The following PRDM9 variants were observed in gnomAD, a reference collection of about 807,000 sequenced individuals.
PRDM9 encodes the protein PR/SET domain 9.
A neutral mutation model predicts 55.6 loss-of-function variants in PRDM9; 47 were observed. That is an observed-to-expected ratio of 0.85 (90% confidence interval 0.67 to 1.08). The LOEUF is 1.08. Ranked by LOEUF, PRDM9 falls within the 50% of genes least tolerant of loss-of-function variation. The probability of loss-of-function intolerance (pLI) is 0.00; values close to 1 mark genes in which losing one functional copy is unlikely to be tolerated. For synonymous variants in PRDM9, 312 were observed against 375.7 expected, an observed-to-expected ratio of 0.83 and a Z score of 1.96; for missense variants, 867 against 1,040.3, an observed-to-expected ratio of 0.83 and a Z score of 2.29.
intron 10 of PRDM9, among the ~76,000 whole-genome samples, 165 bp downstream of exon 10, chr5:23,524,692 T>A (rs1739398574): frequency 1.3e-5 from 2 of 152,218 alleles, no homozygotes; most frequent in Non-Finnish European, 2.9e-5. Flanking sequence ...CTTTGCCTCT[T>A]TGGAACAATT....
chr5:23,512,397 A>T (rs1739116266), intron 4 of PRDM9, among the ~76,000 whole-genome samples: 1 of 152,122 alleles, frequency 6.6e-6, no homozygotes. Flanking sequence ...CAAACTAGAG[A>T]AAGCAACTTG....
At chr5:23,520,945 C>A in intron 5 of PRDM9, 78 bp from the exon 6 acceptor site, 1 of 1,492,288 alleles carries the variant, frequency 6.7e-7, no homozygotes, top group Non-Finnish European at 9.3e-7. Context: ...TAGAGTCATG[C>A]ATATGAAAAC....
At chr5:23,511,499 C>A (rs759208526) in intron 4 of PRDM9, among the ~76,000 whole-genome samples, 4 of 152,104 alleles carry the variant, frequency 2.6e-5, no homozygotes, top group African/African-American at 4.8e-5. Flanking sequence ...GCATGTGCCA[C>A]CACGCCAAGC....
At chr5:23,515,259 C>T (rs1299851444) in intron 4 of PRDM9, among the ~76,000 whole-genome samples, 1 of 152,150 alleles carries the variant, frequency 6.6e-6, no homozygotes, top group African/African-American at 2.4e-5. Flanking sequence ...GCCACAGCGC[C>T]TGGCCTGGAT....
At position 23,526,385 on chromosome 5, in the gene PRDM9, G is replaced by C. The variant is rs1251212545; in HGVS notation, c.1297G>C (p.Gly433Arg). The C allele has an allele frequency of 5.0e-6, 8 of 1,614,066 alleles. No homozygotes were observed. The highest frequency in any genetic ancestry group is 6.8e-6 in the Non-Finnish European group (8 of 1,180,056). Residue 433 changes from glycine (G) to arginine (R), a missense_variant, in exon 11 of 11, where the codon GGG becomes CGG. Gly to Arg is a moderately radical substitution (Grantham distance 125). Coordinates refer to ENST00000296682, the MANE Select transcript of PRDM9 (RefSeq NM_020227.4). Reference protein sequence around the residue: ...KLLQPENPCPGDQNQEQQYPD... With the variant: ...KLLQPENPCPRDQNQEQQYPD... The stretch of plus-strand genomic sequence containing the variant: ...CCTCCAACCAGAGAATCCCTGCCCA[G>C]GGGATCAGAATCAGGAGCAGCAATA...
Position 23,521,190 on chromosome 5 carries a change from A to G in PRDM9, c.508+11A>G. On this transcript the variant is annotated intron_variant, in intron 6 of 10. Coordinates refer to ENST00000296682, the MANE Select transcript of PRDM9 (RefSeq NM_020227.4). ...CAAGACTAAAACTGGGTAAGAAAAAATATTTGCGGGGACTTTAGTCCCTCT... is the reference window on the plus strand; with the variant it reads ...CAAGACTAAAACTGGGTAAGAAAAAGTATTTGCGGGGACTTTAGTCCCTCT... 1 of 1,612,410 alleles carries G rather than the reference A, an allele frequency of 6.2e-7. No individual in the cohort carries two copies. The highest frequency in any genetic ancestry group is 8.5e-7 in the Non-Finnish European group (1 of 1,179,962).
At chr5:23,523,786 A>G (rs2126430134) in intron 9 of PRDM9, among the ~76,000 whole-genome samples, 1 of 152,308 alleles carries the variant, frequency 6.6e-6, no homozygotes, top group African/African-American at 2.4e-5. Flanking sequence ...AGAAAAATGA[A>G]TCAACTATTA....
intron 10 of PRDM9, 109 bp from the exon 11 acceptor site, chr5:23,526,124 G>T: frequency 7.6e-7 from 1 of 1,316,192 alleles, no homozygotes; most frequent in Non-Finnish European, 1.1e-6. Context: ...GAAAGAGCTT[G>T]CATTGTTAAC....
intron 3 of PRDM9, 133 bp from the exon 4 acceptor site, chr5:23,509,787 C>T (rs1328039566): frequency 3.0e-6 from 4 of 1,342,408 alleles, no homozygotes; most frequent in African/African-American, 2.9e-5. Context: ...GAGGTCACAT[C>T]TTGACCTTGT....
Position 23,522,758 on chromosome 5 carries a change from G to A in PRDM9, c.755G>A (p.Gly252Asp), listed in dbSNP as rs879179015. Residue 252 changes from glycine (G) to aspartate (D), a missense_variant, in exon 8 of 11, where the codon GGC becomes GAC. Physicochemically the swap from Gly to Asp is moderately conservative, Grantham distance 94 (BLOSUM62 -1). Transcript: ENST00000296682. ...LPPGLRIGPSGIPQAGLGVWN... is the reference protein window; with the variant it reads ...LPPGLRIGPSDIPQAGLGVWN... The stretch of plus-strand genomic sequence containing the variant: ...CCAGGGCTGAGAATTGGGCCATCAG[G>A]CATCCCTCAGGCTGGGCTTGGAGTA... 3 of 1,614,086 alleles carry A rather than the reference G, an allele frequency of 1.9e-6. No homozygotes were observed. The highest frequency in any genetic ancestry group is 1.3e-5 in the African/African-American group (1 of 74,934).
chr5:23,520,598 A>G (rs139573042), intron 5 of PRDM9, among the ~76,000 whole-genome samples: 1 of 152,108 alleles, frequency 6.6e-6, no homozygotes, highest in African/African-American at 2.4e-5. Context: ...TCTGTTCCCA[A>G]TCTTACTGCT....
chr5:23,509,443 A>G (rs748682549), intron 2 of PRDM9, 27 bp from the exon 3 acceptor site: 11 of 1,614,112 alleles, frequency 6.8e-6, no homozygotes, highest in Non-Finnish European at 9.3e-6. Context: ...CTAGTAAATC[A>G]CTGATGGAAT....
At chr5:23,524,193 C>A in intron 9 of PRDM9, 141 bp from the exon 10 acceptor site, 2 of 1,078,008 alleles carry the variant, frequency 1.9e-6, no homozygotes, top group Non-Finnish European at 2.8e-6. Flanking sequence ...TAGGAATGAG[C>A]AGAAGGTTCC....
At position 23,526,835 on chromosome 5, in the gene PRDM9, A is replaced by G; in HGVS notation, c.1747A>G (p.Arg583Gly). ...IHTGEKPYVC[R>G]ECGRGFSWQS... ...CACAGGGGAGAAGCCCTATGTCTGC[A>G]GGGAGTGTGGGCGGGGCTTTAGCTG... The change falls in exon 11 of 11, where the codon AGG becomes GGG. Residue 583 changes from arginine (R) to glycine (G), a missense_variant. Transcript: ENST00000296682. The G allele has an allele frequency of 6.2e-7, 1 of 1,607,138 alleles. No homozygotes were observed. Among genetic ancestry groups the G allele is most frequent in the Non-Finnish European group, 8.5e-7 (1 of 1,177,480 alleles).
Position 23,527,603 on chromosome 5 carries a change from C to T in PRDM9, c.2515C>T (p.Arg839Trp), listed in dbSNP as rs764241201. The change falls in exon 11 of 11, where the codon CGG (arginine) becomes TGG (tryptophan). Residue 839 changes from arginine to tryptophan, a missense_variant. By Grantham distance (101) the Arg-to-Trp change is moderately radical. Coordinates refer to ENST00000296682, the MANE Select transcript of PRDM9 (RefSeq NM_020227.4). ...GCCCTATGTCTGCAGGGAGTGTGGG[C>T]GGGGCTTTCGCAATAAGTCACACCT... ...EKPYVCRECGRGFRNKSHLLR... is the reference protein window; with the variant it reads ...EKPYVCRECGWGFRNKSHLLR... 14 of 1,508,748 alleles carry T rather than the reference C, an allele frequency of 9.3e-6. No homozygotes were observed. In the South Asian group the frequency reaches 9.7e-5, roughly 10 times the overall value. 93.5% of individuals were successfully genotyped at this position (1,508,748 alleles called of 1,614,324 possible). A position where few individuals can be genotyped will look rare whatever the true frequency, so the allele number is the denominator to read the frequency against.
intron 1 of PRDM9, among the ~76,000 whole-genome samples, chr5:23,508,148 C>T (rs1739021395): frequency 1.3e-5 from 2 of 152,032 alleles, no homozygotes; most frequent in Non-Finnish European, 2.9e-5. Flanking sequence ...ATCCAAATCT[C>T]CTTTACCTGA....
At chr5:23,515,818 C>T (rs750933244) in intron 4 of PRDM9, among the ~76,000 whole-genome samples, 4 of 152,112 alleles carry the variant, frequency 2.6e-5, no homozygotes, top group African/African-American at 7.2e-5. Flanking sequence ...ATCATTTGAC[C>T]GCATACACAA....
Position 23,526,392 on chromosome 5 carries a change from A to G in PRDM9, c.1304A>G (p.Gln435Arg), listed in dbSNP as rs1276190353. ...CCAGAGAATCCCTGCCCAGGGGATC[A>G]GAATCAGGAGCAGCAATATCCAGAT... ...LQPENPCPGD[Q>R]NQEQQYPDPH... is the part of the protein sequence containing the mutation. The change falls in exon 11 of 11, where the codon CAG becomes CGG. Residue 435 changes from glutamine (Q) to arginine (R), a missense_variant. By Grantham distance (43) the Gln-to-Arg change is conservative. Transcript: ENST00000296682. 6.2e-7 allele frequency: 1 copy of G among 1,614,034 alleles called. No individual in the cohort carries two copies. Among genetic ancestry groups the G allele is most frequent in the East Asian group, 2.2e-5 (1 of 44,832 alleles).
At chr5:23,510,260 C>G (rs561239729) in intron 4 of PRDM9, among the ~76,000 whole-genome samples, 1 of 151,796 alleles carries the variant, frequency 6.6e-6, no homozygotes, top group East Asian at 1.9e-4. Flanking sequence ...GGGGTTTCTC[C>G]GTGTTGGTCA....
Sources: gnomAD v4.1 joint callset for allele counts (sites outside exome capture counted in the v4.1 genomes callset) on GRCh38, gnomAD v4.1.1 for gene constraint, MANE v1.5 for transcripts, NCBI Gene and HGNC (gene_info 2026-07-23, HGNC 2026-07-21) for gene names.